SIPA1L1: variants seen among roughly 807,000 people sequenced by gnomAD.
SIPA1L1 encodes the protein signal induced proliferation associated 1 like 1.
SIPA1L1 carries 26 observed loss-of-function variants against 162.7 expected under a neutral mutation model. The observed-to-expected ratio is 0.16, with a 90% CI of 0.12 to 0.22. The LOEUF is 0.22. Ranked by LOEUF, SIPA1L1 falls within the 10% of genes least tolerant of loss-of-function variation. SIPA1L1 has a pLI of 1.00. For synonymous variants in SIPA1L1, 829 were observed against 837.4 expected, an observed-to-expected ratio of 0.99 and a Z score of 0.17; for missense variants, 1,874 against 2,241.0, an observed-to-expected ratio of 0.84 and a Z score of 3.31.
At chr14:71,720,324 T>A (rs977986395) in intron 17 of SIPA1L1, among the ~76,000 whole-genome samples, 1 of 152,208 alleles carries the variant, frequency 6.6e-6, no homozygotes, top group Non-Finnish European at 1.5e-5. Context: ...CTCATGCCTG[T>A]AATCCTAGCA....
rs1411899943 is a variant in SIPA1L1, at chr14:71,650,489, G to A, written c.1973G>A (p.Arg658Gln). The A allele has an allele frequency of 1.2e-6, 2 of 1,614,050 alleles. No individual in the cohort carries two copies. The highest frequency in any genetic ancestry group is 1.1e-5 in the South Asian group (1 of 91,074). ...RVRLKGFEKY[R>Q]AQLDTKTDST... ...CGGCTCAAAGGATTTGAGAAGTATCGAGCACAGCTTGATACCAAAAGTAAG... is the reference window on the plus strand; with the variant it reads ...CGGCTCAAAGGATTTGAGAAGTATCAAGCACAGCTTGATACCAAAAGTAAG... Residue 658 changes from arginine to glutamine, a missense_variant, in exon 8 of 24, where the codon CGA (arginine) becomes CAA (glutamine). By Grantham distance (43) the Arg-to-Gln change is conservative. This residue lies in a region of SIPA1L1 where 685 missense variants were observed against 828.0 expected (regional missense o/e 0.83). Coordinates refer to ENST00000381232, the MANE Select transcript of SIPA1L1 (RefSeq NM_001386936.1).
intron 2 of SIPA1L1, among the ~76,000 whole-genome samples, chr14:71,350,754 C>G (rs2036622078): frequency 1.3e-5 from 2 of 152,224 alleles, no homozygotes; most frequent in East Asian, 1.9e-4. Flanking sequence ...TCTTGTTTTC[C>G]TTTAAAGATA....
intron 2 of SIPA1L1, among the ~76,000 whole-genome samples, chr14:71,358,432 C>T (rs1461115809): frequency 6.6e-6 from 1 of 152,142 alleles, no homozygotes; most frequent in East Asian, 1.9e-4. Context: ...TTTGCCATTA[C>T]GTGTATAGTC....
At chr14:71,430,112 C>G (rs1385913971) in intron 2 of SIPA1L1, among the ~76,000 whole-genome samples, 1 of 152,122 alleles carries the variant, frequency 6.6e-6, no homozygotes, top group African/African-American at 2.4e-5. Flanking sequence ...TCACACCTAC[C>G]TCATTATGGA....
At chr14:71,714,105 C>T (rs964192188) in intron 17 of SIPA1L1, among the ~76,000 whole-genome samples, 5 of 152,084 alleles carry the variant, frequency 3.3e-5, no homozygotes, top group Non-Finnish European at 7.3e-5. Flanking sequence ...TTTGCATCAC[C>T]GCATACAATA....
intron 5 of SIPA1L1, among the ~76,000 whole-genome samples, chr14:71,596,329 G>C (rs2036027459): frequency 1.3e-5 from 2 of 152,106 alleles, no homozygotes; most frequent in Admixed American, 1.3e-4. Flanking sequence ...ATTGACTAGG[G>C]GCTGCCCAGG....
At chr14:71,393,997 A>G (rs1053077260) in intron 2 of SIPA1L1, among the ~76,000 whole-genome samples, 1 of 152,242 alleles carries the variant, frequency 6.6e-6, no homozygotes, top group Non-Finnish European at 1.5e-5. Context: ...GCAGACAAGT[A>G]TTTGATAGTA....
chr14:71,679,298 G>T (rs1249406737), intron 12 of SIPA1L1, among the ~76,000 whole-genome samples: 3 of 152,280 alleles, frequency 2.0e-5, no homozygotes, highest in South Asian at 2.1e-4. Flanking sequence ...TTAAAGAAAA[G>T]AATTTTCAAC....
chr14:71,708,031 T>G (rs867303802), intron 16 of SIPA1L1, among the ~76,000 whole-genome samples: 5 of 62,902 alleles, frequency 7.9e-5, no homozygotes, highest in African/African-American at 1.9e-4. Context: ...TTTTTTTTGT[T>G]TTTTTTTTTT....
chr14:71,381,482 A>T (rs1303144616), intron 2 of SIPA1L1, among the ~76,000 whole-genome samples: 1 of 152,190 alleles, frequency 6.6e-6, no homozygotes, highest in African/African-American at 2.4e-5. Flanking sequence ...GATAATGGTG[A>T]TGGGTATATT....
chr14:71,723,657 T>A lies in SIPA1L1; in HGVS notation c.4219T>A (p.Ser1407Thr). ...DAASHTSTMS[S>T]RHSASPVVFT... is the part of the protein sequence containing the mutation. The stretch of plus-strand genomic sequence containing the variant: ...CCTGCTTCTCCTCAGTACCATGAGC[T>A]CCCGACACTCTGCCAGCCCAGTGGT... Residue 1407 changes from serine to threonine, a missense_variant, in exon 18 of 24, where the codon TCC (serine) becomes ACC (threonine). Physicochemically the swap from Ser to Thr is moderately conservative, Grantham distance 58 (BLOSUM62 1). Around this residue, in one of 5 missense-constraint regions of SIPA1L1, gnomAD observed 936 missense variants for 1,051.9 expected, o/e 0.89. Transcript: ENST00000381232. 1 of 1,614,194 alleles carries A rather than the reference T, an allele frequency of 6.2e-7. No homozygotes were observed. The highest frequency in any genetic ancestry group is 1.1e-5 in the South Asian group (1 of 91,086).
chr14:71,707,123 ACACACACGCACG>A lies in SIPA1L1; in HGVS notation c.3765+1791_3765+1802del, dbSNP rs1347680258. 5.3e-5 allele frequency among the ~76,000 whole-genome samples: 8 copies of A among 151,378 alleles called. No individual in the cohort carries two copies. The East Asian group carries it at 1.4e-3, about 26-fold the overall frequency. On this transcript the variant is annotated intron_variant, in intron 16 of 23. Transcript: ENST00000381232. Reference sequence around the variant, plus strand: ...CCTGCTCCTTCCTCTACCAAAAGACACACACACGCACGCACACACACACGCACACACACACAG... The same window carrying A: ...CCTGCTCCTTCCTCTACCAAAAGACACACACACACACGCACACACACACAG...
chr14:71,324,446 C>A (rs1030013657), intron 2 of SIPA1L1, among the ~76,000 whole-genome samples: 4 of 152,160 alleles, frequency 2.6e-5, no homozygotes, highest in African/African-American at 7.2e-5. Context: ...TTTCTCCCCC[C>A]ACTTAAGAGT....
intron 4 of SIPA1L1, among the ~76,000 whole-genome samples, chr14:71,565,262 T>TTGG (rs2030194131): frequency 6.6e-6 from 1 of 152,166 alleles, no homozygotes; most frequent in Admixed American, 6.5e-5. Context: ...ACCTTTTCAG[T>TTGG]TGGGTCAGGT....
At chr14:71,364,586 C>T (rs41226) in intron 2 of SIPA1L1, among the ~76,000 whole-genome samples, 17,254 of 151,964 alleles carry the variant, frequency 0.11, 1,425 homozygotes, top group Non-Finnish European at 0.18. Context: ...TGTGCACTTA[C>T]CAGTTAAAGG....
chr14:71,336,407 C>T (rs1412841367), intron 2 of SIPA1L1, among the ~76,000 whole-genome samples: 1 of 152,196 alleles, frequency 6.6e-6, no homozygotes, highest in Non-Finnish European at 1.5e-5. Flanking sequence ...CACTAACCTA[C>T]TTTCTGTCTT....
chr14:71,505,057 C>T (rs2050545480), intron 2 of SIPA1L1, among the ~76,000 whole-genome samples: 1 of 152,136 alleles, frequency 6.6e-6, no homozygotes, highest in African/African-American at 2.4e-5. Context: ...TTTCATTCTC[C>T]TTTGCATTTT....
At chr14:71,418,183 T>G (rs1240530777) in intron 2 of SIPA1L1, 1 of 152,222 alleles carries the variant, frequency 6.6e-6, no homozygotes, top group African/African-American at 2.4e-5. Flanking sequence ...AAACTCATTC[T>G]ACTGGAGCAA....
intron 2 of SIPA1L1, chr14:71,321,909 C>T (rs2033063234): frequency 6.6e-6 from 1 of 152,166 alleles, no homozygotes; most frequent in African/African-American, 2.4e-5. Flanking sequence ...TGGCTCACTT[C>T]CAAGGAAGAT....
Sources: gnomAD v4.1 joint callset for allele counts (sites outside exome capture counted in the v4.1 genomes callset) on GRCh38, gnomAD v4.1.1 for gene constraint, gnomAD v4.1.1 regional missense constraint, MANE v1.5 for transcripts, NCBI Gene and HGNC (gene_info 2026-07-23, HGNC 2026-07-21) for gene names.